The following AKAP19 variants were observed in gnomAD, a reference collection of about 807,000 sequenced individuals.
The protein encoded by AKAP19 is small A-kinase anchoring protein.
chr2:190,195,931 CTG>C, the AKAP19 span, among the ~76,000 whole-genome samples: 1 of 127,490 alleles, frequency 7.8e-6, no homozygotes, highest in Non-Finnish European at 1.6e-5. Flanking sequence ...GGTTTAAGAA[CTG>C]TGTCCAGCTT....
At chr2:190,062,096 C>T in the AKAP19 span, 3 of 962,824 alleles carry the variant, frequency 3.1e-6, no homozygotes, top group Non-Finnish European at 4.7e-6. Context: ...AAAAGAGAAA[C>T]TCTTTTCCTT....
the AKAP19 span, among the ~76,000 whole-genome samples, chr2:189,991,303 A>G: frequency 6.6e-6 from 1 of 152,212 alleles, no homozygotes; most frequent in Non-Finnish European, 1.5e-5. Context: ...GCTAGTTTAC[A>G]TTCCTACCAG....
the AKAP19 span, chr2:190,060,585 A>C: frequency 2.1e-5 from 15 of 702,148 alleles, no homozygotes; most frequent in East Asian, 4.2e-4. Flanking sequence ...TTTATAACTC[A>C]AAAAAATGTC....
the AKAP19 span, among the ~76,000 whole-genome samples, chr2:190,043,959 A>G: frequency 4.6e-5 from 7 of 152,204 alleles, no homozygotes; most frequent in Non-Finnish European, 8.8e-5. Context: ...GGAATATGTT[A>G]GTGAGGTATT....
the AKAP19 span, among the ~76,000 whole-genome samples, chr2:190,185,836 CTT>C: frequency 1.3e-5 from 2 of 152,118 alleles, no homozygotes; most frequent in Non-Finnish European, 1.5e-5. Flanking sequence ...TAATACAACA[CTT>C]AATAATTAGA....
the AKAP19 span, among the ~76,000 whole-genome samples, chr2:190,150,703 C>CCT: frequency 6.6e-6 from 1 of 151,762 alleles, no homozygotes; most frequent in Non-Finnish European, 1.5e-5. Context: ...GAGCTGCAAT[C>CCT]TAGTCCTTTG....
chr2:189,897,328 G>A, the AKAP19 span, among the ~76,000 whole-genome samples: 107,088 of 151,958 alleles, frequency 0.7, 42,517 homozygotes, highest in Non-Finnish European at 0.89. Context: ...TATTCATCAT[G>A]ACAGTGTTTT....
chr2:190,080,229 C>T, the AKAP19 span, among the ~76,000 whole-genome samples: 1 of 152,096 alleles, frequency 6.6e-6, no homozygotes, highest in Non-Finnish European at 1.5e-5. Flanking sequence ...AGCAAAATCG[C>T]AAGACTGTTT....
At chr2:189,915,852 G>A in the AKAP19 span, among the ~76,000 whole-genome samples, 1 of 152,094 alleles carries the variant, frequency 6.6e-6, no homozygotes. Context: ...GAAATGTCAT[G>A]TTTATAACAG....
the AKAP19 span, among the ~76,000 whole-genome samples, chr2:190,193,941 T>C: frequency 2.0e-5 from 3 of 152,220 alleles, no homozygotes; most frequent in Non-Finnish European, 2.9e-5. Context: ...AATTTCCTTC[T>C]AAGCTCTAAA....
chr2:190,196,466 T>C, the AKAP19 span, among the ~76,000 whole-genome samples: 1 of 151,998 alleles, frequency 6.6e-6, no homozygotes, highest in Admixed American at 6.6e-5. Context: ...TTCTTGGGTA[T>C]ACTTAAATAG....
At chr2:190,170,213 G>A in the AKAP19 span, among the ~76,000 whole-genome samples, 7 of 152,194 alleles carry the variant, frequency 4.6e-5, no homozygotes, top group Admixed American at 2.0e-4. Context: ...CTTCACCCTC[G>A]TGACCTAATT....
chr2:189,955,306 T>G, the AKAP19 span, among the ~76,000 whole-genome samples: 2 of 148,394 alleles, frequency 1.3e-5, no homozygotes, highest in East Asian at 3.9e-4. Context: ...TTGTTTTTTG[T>G]TTTTTTTGCT....
At chr2:189,993,305 T>A in the AKAP19 span, among the ~76,000 whole-genome samples, 1 of 152,246 alleles carries the variant, frequency 6.6e-6, no homozygotes, top group Non-Finnish European at 1.5e-5. Context: ...GTTTATGTGA[T>A]ATATCACATT....
the AKAP19 span, among the ~76,000 whole-genome samples, chr2:189,900,773 G>T: frequency 6.6e-6 from 1 of 152,142 alleles, no homozygotes; most frequent in African/African-American, 2.4e-5. Context: ...AGAAAGGCAG[G>T]TTTATTAGAG....
chr2:189,995,009 A>T, the AKAP19 span, among the ~76,000 whole-genome samples: 1 of 151,956 alleles, frequency 6.6e-6, no homozygotes, highest in African/African-American at 2.4e-5. Flanking sequence ...TATAATTTTG[A>T]TTTTCTTAAA....
chr2:190,142,776 G>A, the AKAP19 span, among the ~76,000 whole-genome samples: 4 of 152,200 alleles, frequency 2.6e-5, no homozygotes, highest in Non-Finnish European at 5.9e-5. Context: ...TGATACCATC[G>A]CAAGAGTGAA....
chr2:189,923,010 G>T, the AKAP19 span, among the ~76,000 whole-genome samples: 1 of 152,100 alleles, frequency 6.6e-6, no homozygotes, highest in African/African-American at 2.4e-5. Flanking sequence ...AATTAGCCGG[G>T]TATGGCAGTG....
the AKAP19 span, chr2:190,200,070 G>A: frequency 6.2e-7 from 1 of 1,614,058 alleles, no homozygotes; most frequent in Non-Finnish European, 8.5e-7. Flanking sequence ...AGGATATCTT[G>A]TGTGATGCCT....
Sources: gnomAD v4.1 joint callset for allele counts (sites outside exome capture counted in the v4.1 genomes callset) on GRCh38, gnomAD v4.1.1 for gene constraint, MANE v1.5 for transcripts, NCBI Gene and HGNC (gene_info 2026-07-23, HGNC 2026-07-21) for gene names.